LINGO2: variants seen among roughly 807,000 people sequenced by gnomAD.
LINGO2 encodes leucine rich repeat and Ig domain containing 2, also known as leucine-rich repeat and immunoglobulin-like domain-containing nogo receptor-interacting protein 2.
A neutral mutation model predicts 30.6 loss-of-function variants in LINGO2; 14 were observed. The ratio of observed to expected loss-of-function variants is 0.46; its 90% CI spans 0.30 to 0.72. The LOEUF (loss-of-function observed/expected upper bound fraction) is 0.72. Among genes scored for constraint, LINGO2 ranks in the 30% least tolerant of loss-of-function variants. The probability of loss-of-function intolerance (pLI) is 0.07; values close to 1 mark genes in which losing one functional copy is unlikely to be tolerated. For synonymous variants in LINGO2, 317 were observed against 288.5 expected, an observed-to-expected ratio of 1.10 and a Z score of -1.00; for missense variants, 729 against 751.7, an observed-to-expected ratio of 0.97 and a Z score of 0.35.
the LINGO2 span, among the ~76,000 whole-genome samples, chr9:28,749,776 T>C: frequency 6.6e-6 from 1 of 151,966 alleles, no homozygotes; most frequent in Non-Finnish European, 1.5e-5. Context: ...AGTAACAGAC[T>C]CTAAGAATGA....
chr9:29,024,508 T>C, the LINGO2 span, among the ~76,000 whole-genome samples: 2 of 152,140 alleles, frequency 1.3e-5, no homozygotes, highest in Admixed American at 6.6e-5. Context: ...AATTTGACTA[T>C]AGCAGCAGGG....
the LINGO2 span, among the ~76,000 whole-genome samples, chr9:28,778,592 CA>C: frequency 6.6e-6 from 1 of 152,120 alleles, no homozygotes; most frequent in African/African-American, 2.4e-5. Context: ...AGTTCATTTA[CA>C]AAGGCCAGAG....
At chr9:29,052,505 T>C in the LINGO2 span, among the ~76,000 whole-genome samples, 1 of 152,220 alleles carries the variant, frequency 6.6e-6, no homozygotes, top group African/African-American at 2.4e-5. Flanking sequence ...GAAAGTGGTT[T>C]ATTTTCAGAA....
At chr9:28,626,538 A>T (rs1480324179) in intron 1 of LINGO2, among the ~76,000 whole-genome samples, 1 of 152,112 alleles carries the variant, frequency 6.6e-6, no homozygotes, top group Non-Finnish European at 1.5e-5. Flanking sequence ...TACAAATTAA[A>T]GTTTGAGGTT....
intron 4 of LINGO2, among the ~76,000 whole-genome samples, chr9:28,141,671 C>A (rs1427870632): frequency 1.3e-5 from 2 of 152,054 alleles, no homozygotes; most frequent in Non-Finnish European, 2.9e-5. Context: ...AATCCCAGCA[C>A]TTTGGGAGGC....
At chr9:28,792,756 A>T in the LINGO2 span, among the ~76,000 whole-genome samples, 1 of 152,138 alleles carries the variant, frequency 6.6e-6, no homozygotes, top group Non-Finnish European at 1.5e-5. Flanking sequence ...TGATGGTTGC[A>T]TACCTAGAGT....
chr9:28,969,138 A>C, the LINGO2 span, among the ~76,000 whole-genome samples: 5 of 152,198 alleles, frequency 3.3e-5, no homozygotes, highest in Non-Finnish European at 5.9e-5. Context: ...TAAGCATAGC[A>C]TAGTAGTAAA....
intron 4 of LINGO2, among the ~76,000 whole-genome samples, chr9:28,194,592 A>G (rs1308258550): frequency 4.0e-5 from 6 of 149,932 alleles, no homozygotes; most frequent in Non-Finnish European, 7.4e-5. Context: ...GGCTAAATTC[A>G]CTAATAACAA....
At position 28,161,973 on chromosome 9, in the gene LINGO2, A is replaced by C. The variant is rs192076970; in HGVS notation, c.-87+133235T>G. Among the ~76,000 whole-genome samples, 429 of 152,270 alleles carry C rather than the reference A, an allele frequency of 2.8e-3. 14 individuals are homozygous for C. Among genetic ancestry groups the C allele is most frequent in the Admixed American group, 0.028 (428 of 15,268 alleles). ...TTCATTAATATATTTTTAATAGCAA[A>C]GGAGAAGTCATAGTCTGAGACATCC... On this transcript the variant is annotated intron_variant, in intron 4 of 5. Coordinates refer to ENST00000379992, the Ensembl canonical transcript of LINGO2.
chr9:29,037,052 G>A, the LINGO2 span, among the ~76,000 whole-genome samples: 1 of 151,716 alleles, frequency 6.6e-6, no homozygotes, highest in African/African-American at 2.4e-5. Context: ...TTCCAGTGAC[G>A]TTCATCTATA....
the LINGO2 span, among the ~76,000 whole-genome samples, chr9:28,889,485 A>T: frequency 2.0e-5 from 3 of 151,772 alleles, no homozygotes; most frequent in African/African-American, 7.3e-5. Flanking sequence ...TTTACTTTTC[A>T]TTCTGGATAT....
the LINGO2 span, among the ~76,000 whole-genome samples, chr9:28,822,154 A>G: frequency 3.8e-4 from 58 of 152,180 alleles, no homozygotes; most frequent in East Asian, 0.01. Flanking sequence ...AAATCCCAGA[A>G]AAGGGGAAAA....
At chr9:28,096,999 T>G (rs899788230) in intron 4 of LINGO2, among the ~76,000 whole-genome samples, 3 of 152,046 alleles carry the variant, frequency 2.0e-5, no homozygotes, top group Non-Finnish European at 4.4e-5. Flanking sequence ...TTAAAAATAA[T>G]TGTTTTGCCT....
intron 3 of LINGO2, among the ~76,000 whole-genome samples, chr9:28,297,386 C>T (rs559335407): frequency 7.8e-4 from 118 of 152,220 alleles, no homozygotes; most frequent in African/African-American, 2.7e-3. Context: ...TCATTCCACA[C>T]ATTTTATTTG....
chr9:28,203,957 C>T (rs1203339560), intron 4 of LINGO2, among the ~76,000 whole-genome samples: 5 of 152,146 alleles, frequency 3.3e-5, no homozygotes, highest in Admixed American at 6.5e-5. Context: ...AGAGCCTTTC[C>T]TATTCTAGTG....
Position 28,557,241 on chromosome 9 carries a change from T to C in LINGO2, c.-364-81216A>G, listed in dbSNP as rs961244719. Among the ~76,000 whole-genome samples, 130 of 151,982 alleles carry C rather than the reference T, an allele frequency of 8.6e-4. 2 individuals are homozygous for C. In the Middle Eastern group the frequency reaches 0.017, roughly 20 times the overall value. ...AAAATGGGAGAAAATTTTCACAACC[T>C]ACTCATCTGACAAAGGGCTAATATC... On this transcript the variant is annotated intron_variant, in intron 1 of 5. Transcript: ENST00000379992.
the LINGO2 span, among the ~76,000 whole-genome samples, chr9:29,133,342 C>G: frequency 7.2e-5 from 11 of 152,210 alleles, no homozygotes; most frequent in East Asian, 2.1e-3. Context: ...TATTTTTTTA[C>G]TGGTCCATAT....
chr9:28,924,418 G>A, the LINGO2 span, among the ~76,000 whole-genome samples: 3 of 151,918 alleles, frequency 2.0e-5, no homozygotes, highest in Admixed American at 6.6e-5. Context: ...ACAGGATTTC[G>A]TCATGTTGCC....
At chr9:28,168,399 A>G (rs1828491885) in intron 4 of LINGO2, among the ~76,000 whole-genome samples, 1 of 152,202 alleles carries the variant, frequency 6.6e-6, no homozygotes, top group Non-Finnish European at 1.5e-5. Flanking sequence ...TTCTTCAGGA[A>G]AAATAATCTA....
Sources: allele counts gnomAD v4.1 joint callset (sites outside exome capture counted in the v4.1 genomes callset), GRCh38; gene constraint gnomAD v4.1.1; transcripts MANE v1.5; gene names NCBI Gene and HGNC (gene_info 2026-07-23, HGNC 2026-07-21).